STK10: variants seen among roughly 807,000 people sequenced by gnomAD.
The protein encoded by STK10 is serine/threonine-protein kinase 10.
STK10 carries 78 observed loss-of-function variants against 113.8 expected under a neutral mutation model. The ratio of observed to expected loss-of-function variants is 0.69; its 90% CI spans 0.57 to 0.83. STK10 has a LOEUF of 0.83. Among genes scored for constraint, STK10 ranks in the 40% least tolerant of loss-of-function variants. The pLI is 0.00. For missense variants in STK10, 1,109 were observed against 1,280.1 expected (o/e 0.87, Z 2.04); for synonymous variants, 465 against 494.7 (o/e 0.94, Z 0.80).
chr5:172,121,216 A>C (rs944194962), intron 3 of STK10, among the ~76,000 whole-genome samples: 9 of 152,048 alleles, frequency 5.9e-5, no homozygotes, highest in African/African-American at 1.9e-4. Context: ...CTATTAGTAG[A>C]GACGGGGTTT....
intron 2 of STK10, among the ~76,000 whole-genome samples, chr5:172,152,444 G>C (rs1483275957): frequency 1.3e-5 from 2 of 152,194 alleles, no homozygotes; most frequent in African/African-American, 4.8e-5. Context: ...GAGGATGGGG[G>C]TAGCTATTAG....
chr5:172,109,882 C>T lies in STK10; in HGVS notation c.521-2030G>A, dbSNP rs185607264. ...GACGATTCATCCCAAGAAGCTGCAG[C>T]ATTATGACAACTTCAGGCCACCCCG... On this transcript the variant is annotated intron_variant, in intron 4 of 18. Coordinates refer to ENST00000176763, the MANE Select transcript of STK10 (RefSeq NM_005990.4). Among the ~76,000 whole-genome samples the T allele has an allele frequency of 1.1e-4, 17 of 152,380 alleles. No individual in the cohort carries two copies. In the East Asian group the frequency reaches 1.7e-3, roughly 16 times the overall value.
intron 12 of STK10, among the ~76,000 whole-genome samples, chr5:172,065,664 G>T (rs139990290): frequency 6.6e-6 from 1 of 152,334 alleles, no homozygotes; most frequent in Non-Finnish European, 1.5e-5. Flanking sequence ...CTCAGGAACT[G>T]ATTCAGAGAT....
Position 172,114,560 on chromosome 5 carries a change from G to A in STK10, c.520+2921C>T, listed in dbSNP as rs1301316114. 4 of 129,590 alleles carry A rather than the reference G, an allele frequency of 3.1e-5. No individual in the cohort carries two copies. In the South Asian group the frequency reaches 7.6e-4, roughly 25 times the overall value. The allele number at this position is 129,590 out of a possible 1,614,324, so 8.0% of individuals were successfully genotyped here. Reference sequence around the variant, plus strand: ...TGCAGTGGCGCAATCTCGGCTCACTGCAAGCTCCGCCTCCCGGGTTCACGC... The same window carrying A: ...TGCAGTGGCGCAATCTCGGCTCACTACAAGCTCCGCCTCCCGGGTTCACGC... On this transcript the variant is annotated intron_variant, in intron 4 of 18. Coordinates refer to ENST00000176763, the MANE Select transcript of STK10 (RefSeq NM_005990.4).
intron 6 of STK10, among the ~76,000 whole-genome samples, chr5:172,106,417 A>AAAAAAAAAAAAAAAAAAAAAAC (rs1769110192): frequency 1.4e-5 from 2 of 145,274 alleles, no homozygotes; most frequent in Non-Finnish European, 1.5e-5. Context: ...AAAAAAAAAA[A>AAAAAAAAAAAAAAAAAAAAAAC]AGGAACACAA....
chr5:172,164,003 G>A (rs1357250291), intron 1 of STK10, among the ~76,000 whole-genome samples: 1 of 152,042 alleles, frequency 6.6e-6, no homozygotes, highest in Non-Finnish European at 1.5e-5. Flanking sequence ...CCTGAGGTCA[G>A]GAGTTTGAGA....
rs1419665174 is a variant in STK10, at chr5:172,107,079, G to T, written c.594-265C>A. 25 of 306,638 alleles carry T rather than the reference G, an allele frequency of 8.2e-5. 1 individual carries two copies. In the Admixed American group the frequency reaches 1.1e-3, roughly 13 times the overall value. 19.0% of individuals were successfully genotyped at this position (306,638 alleles called of 1,614,324 possible). The stretch of plus-strand genomic sequence containing the variant: ...GCAACCCGGAACACAGAGTCCTGGG[G>T]AGGGGGCGGGTGGGAGCGGAGGGGA... On this transcript the variant is annotated intron_variant, in intron 5 of 18. Coordinates refer to ENST00000176763, the MANE Select transcript of STK10 (RefSeq NM_005990.4).
At chr5:172,170,899 G>A (rs1238201473) in intron 1 of STK10, among the ~76,000 whole-genome samples, 3 of 152,200 alleles carry the variant, frequency 2.0e-5, no homozygotes, top group South Asian at 2.1e-4. Context: ...GACTCAATGC[G>A]GAGTTGCAGA....
intron 2 of STK10, among the ~76,000 whole-genome samples, chr5:172,146,989 G>A (rs912801276): frequency 3.3e-5 from 5 of 152,196 alleles, no homozygotes; most frequent in East Asian, 1.9e-4. Flanking sequence ...CCAGTTGCAC[G>A]TCGAGGCCTC....
intron 4 of STK10, among the ~76,000 whole-genome samples, chr5:172,116,808 C>T (rs1331647513): frequency 1.3e-5 from 2 of 152,062 alleles, no homozygotes; most frequent in Non-Finnish European, 2.9e-5. Context: ...GTGGAGGTTG[C>T]AGTGAGCCGA....
intron 12 of STK10, among the ~76,000 whole-genome samples, chr5:172,068,304 C>T (rs1279528334): frequency 6.6e-6 from 1 of 151,786 alleles, no homozygotes; most frequent in Non-Finnish European, 1.5e-5. Flanking sequence ...CACACCACTG[C>T]ACTCCAGTCT....
rs774084542 is a variant in STK10, at chr5:172,082,324, A to T, written c.1989+2T>A. On this transcript the variant is annotated splice_donor_variant, in intron 12 of 18. Coordinates refer to ENST00000176763, the MANE Select transcript of STK10 (RefSeq NM_005990.4). LOFTEE classifies it high-confidence loss of function. The surrounding 1 kb of genome is among the most constrained non-coding windows in gnomAD (Gnocchi z 4.3). The stretch of plus-strand genomic sequence containing the variant: ...CCCTGCCCCCACTGAGCACATACTC[A>T]CCTCTTTCTTCATCAGTTTGAGCTG... The T allele has an allele frequency of 1.3e-6, 2 of 1,542,046 alleles. No homozygotes were observed. The highest frequency in any genetic ancestry group is 2.8e-5 in the African/African-American group (2 of 71,206).
intron 17 of STK10, among the ~76,000 whole-genome samples, chr5:172,054,167 G>T (rs1170265867): frequency 1.3e-5 from 2 of 152,188 alleles, no homozygotes; most frequent in Non-Finnish European, 2.9e-5. Flanking sequence ...GGGCCAGGAA[G>T]CTTGAAGAGG....
chr5:172,181,258 G>A (rs933507720), intron 1 of STK10, among the ~76,000 whole-genome samples: 7 of 152,118 alleles, frequency 4.6e-5, no homozygotes, highest in African/African-American at 1.4e-4. Context: ...CGTAACTTGC[G>A]TAAAACTGTA....
At chr5:172,154,947 T>A (rs749570672) in intron 2 of STK10, among the ~76,000 whole-genome samples, 2 of 152,184 alleles carry the variant, frequency 1.3e-5, no homozygotes, top group Non-Finnish European at 2.9e-5. Context: ...TGCTAGCTAC[T>A]ATAAGTAGTA....
chr5:172,184,647 TTG>T (rs1770919884), intron 1 of STK10, among the ~76,000 whole-genome samples: 1 of 152,036 alleles, frequency 6.6e-6, no homozygotes, highest in Non-Finnish European at 1.5e-5. Context: ...AAGTCACTTT[TTG>T]TTTTTATTGT....
At chr5:172,096,625 G>A (rs1321132667) in intron 7 of STK10, 65 bp from the exon 8 acceptor site, 3 of 1,590,432 alleles carry the variant, frequency 1.9e-6, no homozygotes, top group Non-Finnish European at 1.7e-6. Flanking sequence ...GAAGAGGCTG[G>A]GGGAGCTCAC....
intron 12 of STK10, among the ~76,000 whole-genome samples, chr5:172,073,327 T>G (rs1055344797): frequency 1.3e-5 from 2 of 152,130 alleles, no homozygotes; most frequent in Non-Finnish European, 2.9e-5. Flanking sequence ...AATTTTTGTA[T>G]TTTTAGTAGA....
chr5:172,045,327 C>A (rs1256395759), intron 18 of STK10: 13 of 537,806 alleles, frequency 2.4e-5, no homozygotes, highest in Non-Finnish European at 3.9e-5. Context: ...AGGAAAACAG[C>A]CAAATGACTG....
Sources: allele counts gnomAD v4.1 joint callset (sites outside exome capture counted in the v4.1 genomes callset), GRCh38; gene constraint gnomAD v4.1.1; non-coding constraint Gnocchi (gnomAD v3.1); transcripts MANE v1.5; gene names NCBI Gene and HGNC (gene_info 2026-07-23, HGNC 2026-07-21).